Variants in CDH13 observed in about 807,000 individuals in gnomAD.
CDH13 encodes cadherin-13.
CDH13 carries 24 observed loss-of-function variants against 63.8 expected under a neutral mutation model. The observed-to-expected ratio is 0.38, with a 90% CI of 0.27 to 0.53. The LOEUF (loss-of-function observed/expected upper bound fraction) is 0.53. Among genes scored for constraint, CDH13 ranks in the 20% least tolerant of loss-of-function variants. CDH13 has a pLI of 0.85. For synonymous variants in CDH13, 503 were observed against 355.3 expected (o/e 1.42, Z -4.67); for missense variants, 1,049 against 903.1 (o/e 1.16, Z -2.07).
intron 1 of CDH13, among the ~76,000 whole-genome samples, chr16:82,686,968 T>C (rs1915137965): frequency 6.6e-6 from 1 of 152,232 alleles, no homozygotes; most frequent in Non-Finnish European, 1.5e-5. Context: ...TCAACATTTG[T>C]AAGCTCTTGC....
chr16:83,157,785 T>C (rs943782164), intron 4 of CDH13, among the ~76,000 whole-genome samples: 2 of 149,532 alleles, frequency 1.3e-5, no homozygotes, highest in Admixed American at 1.3e-4. Flanking sequence ...TGGTGGTGCT[T>C]GCCTGTAGTC....
At chr16:83,288,624 A>C (rs1212559579) in intron 5 of CDH13, among the ~76,000 whole-genome samples, 1 of 152,330 alleles carries the variant, frequency 6.6e-6, no homozygotes, top group African/African-American at 2.4e-5. Context: ...AGAGTTACCA[A>C]GAAGAAAGCT....
At chr16:83,463,878 C>T (rs77224163) in intron 6 of CDH13, among the ~76,000 whole-genome samples, 1,698 of 152,198 alleles carry the variant, frequency 0.011, 31 homozygotes, top group African/African-American at 0.038. Flanking sequence ...CAGGGCCACT[C>T]GTAAATCCAA....
At chr16:83,226,970 C>G (rs904172826) in intron 5 of CDH13, among the ~76,000 whole-genome samples, 1 of 152,116 alleles carries the variant, frequency 6.6e-6, no homozygotes, top group Non-Finnish European at 1.5e-5. Flanking sequence ...AGAAGAAGTG[C>G]ATTAGTGGTG....
At chr16:83,247,504 T>TC (rs1905091538) in intron 5 of CDH13, among the ~76,000 whole-genome samples, 1 of 151,652 alleles carries the variant, frequency 6.6e-6, no homozygotes, top group Non-Finnish European at 1.5e-5. Flanking sequence ...CACTTTTTTT[T>TC]TAATTAACAG....
intron 6 of CDH13, among the ~76,000 whole-genome samples, chr16:83,379,840 A>T (rs937173507): frequency 2.0e-5 from 3 of 151,528 alleles, no homozygotes; most frequent in Non-Finnish European, 2.9e-5. Flanking sequence ...ACGAAATATT[A>T]TATAAATATA....
At chr16:82,661,270 GA>G (rs1882259885) in intron 1 of CDH13, among the ~76,000 whole-genome samples, 1 of 152,246 alleles carries the variant, frequency 6.6e-6, no homozygotes, top group Non-Finnish European at 1.5e-5. Flanking sequence ...CATTGAAACA[GA>G]TTAGCTCTGA....
intron 10 of CDH13, among the ~76,000 whole-genome samples, chr16:83,697,325 T>G (rs1905538370): frequency 6.6e-6 from 1 of 152,186 alleles, no homozygotes; most frequent in Non-Finnish European, 1.5e-5. Context: ...TGTGATCTGT[T>G]TAGTGCCGTG....
At chr16:83,633,917 T>C (rs1911005564) in intron 8 of CDH13, among the ~76,000 whole-genome samples, 1 of 152,158 alleles carries the variant, frequency 6.6e-6, no homozygotes, top group Non-Finnish European at 1.5e-5. Context: ...TTAGTTTCCT[T>C]ATTTTTCCAT....
At chr16:83,121,217 T>C (rs1254116686) in intron 3 of CDH13, among the ~76,000 whole-genome samples, 1 of 152,220 alleles carries the variant, frequency 6.6e-6, no homozygotes, top group Non-Finnish European at 1.5e-5. Flanking sequence ...GACTAAAGTG[T>C]CTCTTACTTA....
chr16:83,132,335 C>G lies in CDH13; in HGVS notation c.483+6834C>G, dbSNP rs147239839. Among the ~76,000 whole-genome samples the G allele has an allele frequency of 1.4e-4, 22 of 152,116 alleles. No homozygotes were observed. The East Asian group carries it at 4.3e-3, about 29-fold the overall frequency. On this transcript the variant is annotated intron_variant, in intron 4 of 13. Transcript: ENST00000567109. Reference sequence around the variant, plus strand: ...TAACCCAGTAATTGCTGTCATCCCTCTACCTCTTTTAAAATCTATTGTTTT... The same window carrying G: ...TAACCCAGTAATTGCTGTCATCCCTGTACCTCTTTTAAAATCTATTGTTTT...
intron 5 of CDH13, among the ~76,000 whole-genome samples, chr16:83,255,574 A>G (rs933218111): frequency 2.0e-5 from 3 of 152,204 alleles, no homozygotes; most frequent in African/African-American, 7.2e-5. Flanking sequence ...GGCTCTTTCT[A>G]CAAGGGCTGT....
intron 3 of CDH13, among the ~76,000 whole-genome samples, chr16:83,046,919 G>A (rs1286425628): frequency 1.3e-5 from 2 of 152,100 alleles, no homozygotes; most frequent in Non-Finnish European, 2.9e-5. Context: ...TCCAAGAGAG[G>A]GCTTTCCCTT....
chr16:83,750,007 G>A (rs965523304), intron 11 of CDH13, among the ~76,000 whole-genome samples: 19 of 152,102 alleles, frequency 1.2e-4, no homozygotes, highest in African/African-American at 4.6e-4. Flanking sequence ...ATAAGAAATA[G>A]CTCATGTTGG....
At chr16:82,805,711 T>A (rs1249862530) in intron 1 of CDH13, among the ~76,000 whole-genome samples, 1 of 152,164 alleles carries the variant, frequency 6.6e-6, no homozygotes, top group East Asian at 1.9e-4. Context: ...GTCTGGTGAT[T>A]TCTAATGGTG....
In CDH13 at chr16:82,794,818, T is replaced by C. The variant is rs573110496; in HGVS notation, c.46-63544T>C. ...AACCAGTTTTTCCTACTTTGGTTCC[T>C]TGGAGGCTGATTCTTCTGCCTGAAT... On this transcript the variant is annotated intron_variant, in intron 1 of 13. Coordinates refer to ENST00000567109, the MANE Select transcript of CDH13 (RefSeq NM_001257.5). Among the ~76,000 whole-genome samples, 7 of 152,316 alleles carry C rather than the reference T, an allele frequency of 4.6e-5. No homozygotes were observed. The South Asian group carries it at 1.5e-3, about 32-fold the overall frequency.
chr16:83,073,464 C>A (rs1441509512), intron 3 of CDH13, among the ~76,000 whole-genome samples: 1 of 151,578 alleles, frequency 6.6e-6, no homozygotes, highest in Non-Finnish European at 1.5e-5. Context: ...TAATTAGATG[C>A]TGCTGTTTAA....
At chr16:83,034,871 T>C (rs952603171) in intron 3 of CDH13, among the ~76,000 whole-genome samples, 3 of 152,152 alleles carry the variant, frequency 2.0e-5, no homozygotes, top group African/African-American at 4.8e-5. Flanking sequence ...CCCTGAGTCC[T>C]GGCTGTTTCT....
At chr16:83,278,471 C>G (rs1214798048) in intron 5 of CDH13, among the ~76,000 whole-genome samples, 2 of 152,178 alleles carry the variant, frequency 1.3e-5, no homozygotes, top group African/African-American at 4.8e-5. Context: ...CAAGCCCTGA[C>G]TTGCCAGTTT....
Sources: allele counts gnomAD v4.1 joint callset (sites outside exome capture counted in the v4.1 genomes callset), GRCh38; gene constraint gnomAD v4.1.1; transcripts MANE v1.5; gene names NCBI Gene and HGNC (gene_info 2026-07-23, HGNC 2026-07-21).